CGGBP1: variants seen among roughly 807,000 people sequenced by gnomAD.
The protein encoded by CGGBP1 is CGG triplet repeat binding protein 1, also known as CGG triplet repeat-binding protein 1.
CGGBP1 carries 4 observed loss-of-function variants against 11.4 expected under a neutral mutation model. That is an observed-to-expected ratio of 0.35 (90% CI 0.17 to 0.80). The LOEUF (loss-of-function observed/expected upper bound fraction) is 0.80, where lower values mean the gene tolerates loss of function less well. Ranked by LOEUF, CGGBP1 falls within the 30% of genes least tolerant of loss-of-function variation. The probability of loss-of-function intolerance (pLI) is 0.52; values close to 1 mark genes in which losing one functional copy is unlikely to be tolerated. For synonymous variants in CGGBP1, 76 were observed against 74.1 expected, an observed-to-expected ratio of 1.03 and a Z score of -0.13; for missense variants, 135 against 202.1, an observed-to-expected ratio of 0.67 and a Z score of 2.01.
At chr3:88,138,593 A>G (rs992706133) in intron 2 of CGGBP1, 1 of 566,162 alleles carries the variant, frequency 1.8e-6, no homozygotes, top group African/African-American at 1.9e-5. Flanking sequence ...TGGACATTGG[A>G]ATACTATGTT....
rs1358400846 is a variant in CGGBP1, at chr3:88,054,608, C to G, written c.*865G>C. ...TGATCTGTCAGCCAAAAAAAAATTA[C>G]TAATTCTCTATAATAAAGAGAAAAC... On this transcript the variant is annotated 3_prime_UTR_variant, in exon 4 of 4. Transcript: ENST00000482016. 2 of 152,280 alleles carry G rather than the reference C, an allele frequency of 1.3e-5. No individual in the cohort carries two copies. Among genetic ancestry groups the G allele is most frequent in the Admixed American group, 6.6e-5 (1 of 15,256 alleles). The allele number at this position is 152,280 out of a possible 1,614,324, so 9.4% of individuals were successfully genotyped here.
intron 2 of CGGBP1, among the ~76,000 whole-genome samples, chr3:88,119,807 A>G (rs1046153095): frequency 1.3e-5 from 2 of 152,196 alleles, no homozygotes; most frequent in Non-Finnish European, 2.9e-5. Flanking sequence ...TACTTATTTT[A>G]AAATGCTAAT....
chr3:88,078,679 C>T (rs1232929330), intron 2 of CGGBP1, among the ~76,000 whole-genome samples: 1 of 151,958 alleles, frequency 6.6e-6, no homozygotes, highest in Non-Finnish European at 1.5e-5. Context: ...ATTTTTGTTT[C>T]TACTTTAAAA....
chr3:88,066,715 C>T (rs1044078284), intron 2 of CGGBP1, among the ~76,000 whole-genome samples: 1 of 152,080 alleles, frequency 6.6e-6, no homozygotes, highest in South Asian at 2.1e-4. Context: ...AGTAAGGCAC[C>T]ATTTGTACTG....
intron 2 of CGGBP1, among the ~76,000 whole-genome samples, chr3:88,068,195 G>A (rs1707311416): frequency 6.6e-6 from 1 of 151,978 alleles, no homozygotes; most frequent in African/African-American, 2.4e-5. Context: ...GTGACCATTA[G>A]TATGTACCTT....
upstream of CGGBP1, among the ~76,000 whole-genome samples, chr3:88,061,828 G>T (rs1390117753): frequency 1.3e-5 from 2 of 152,244 alleles, no homozygotes; most frequent in South Asian, 4.1e-4. Flanking sequence ...TGACTTAATC[G>T]TGAGTAATGC....
intron 2 of CGGBP1, chr3:88,139,782 GATGAAGAAGGTGATT>G: frequency 6.4e-7 from 1 of 1,554,566 alleles, no homozygotes; most frequent in Non-Finnish European, 8.7e-7. Context: ...GGAGGAAGAG[GATGAAGAAGGTGATT>G]ATGAAGAAGA....
intron 2 of CGGBP1, among the ~76,000 whole-genome samples, chr3:88,088,440 G>A (rs990257504): frequency 7.2e-5 from 11 of 151,986 alleles, no homozygotes; most frequent in African/African-American, 2.2e-4. Flanking sequence ...GAGAAGTTAC[G>A]TACAACATTA....
intron 2 of CGGBP1, among the ~76,000 whole-genome samples, chr3:88,126,939 A>G (rs1706141809): frequency 6.6e-6 from 1 of 152,166 alleles, no homozygotes; most frequent in African/African-American, 2.4e-5. Context: ...ATCTGATTTA[A>G]CAGCGGTCCT....
At chr3:88,146,825 T>G (rs1457334986) in intron 1 of CGGBP1, among the ~76,000 whole-genome samples, 1 of 152,188 alleles carries the variant, frequency 6.6e-6, no homozygotes, top group Non-Finnish European at 1.5e-5. Context: ...ATCTCTTGAT[T>G]ACTCCCCCAG....
At chr3:88,114,115 G>GA (rs755207687) in intron 2 of CGGBP1, among the ~76,000 whole-genome samples, 20 of 152,202 alleles carry the variant, frequency 1.3e-4, no homozygotes, top group African/African-American at 2.2e-4. Context: ...AAGCAAAACA[G>GA]AAAAAATCTT....
At chr3:88,085,525 A>AT (rs1708294776) in intron 2 of CGGBP1, among the ~76,000 whole-genome samples, 2 of 152,204 alleles carry the variant, frequency 1.3e-5, no homozygotes, top group Non-Finnish European at 2.9e-5. Context: ...GTAGTTTTAG[A>AT]TGATGGATTT....
intron 2 of CGGBP1, among the ~76,000 whole-genome samples, chr3:88,100,555 C>T (rs1704351115): frequency 6.6e-6 from 1 of 152,118 alleles, no homozygotes; most frequent in Admixed American, 6.5e-5. Flanking sequence ...GACTTTGAAC[C>T]AACTCAAATG....
At chr3:88,140,406 T>G in intron 2 of CGGBP1, 1 of 1,613,208 alleles carries the variant, frequency 6.2e-7, no homozygotes, top group Non-Finnish European at 8.5e-7. Flanking sequence ...TCTGCCAGTT[T>G]CTACTAGCAA....
intron 2 of CGGBP1, among the ~76,000 whole-genome samples, chr3:88,127,806 G>T (rs1438787602): frequency 6.6e-6 from 1 of 152,140 alleles, no homozygotes; most frequent in Non-Finnish European, 1.5e-5. Context: ...GGGAAAAGCT[G>T]CTCTAGAGCC....
At chr3:88,088,757 T>G (rs145124416) in intron 2 of CGGBP1, among the ~76,000 whole-genome samples, 7,412 of 94,168 alleles carry the variant, frequency 0.079, 215 homozygotes, top group African/African-American at 0.1. Context: ...TGTATGTATG[T>G]ATGTATGGAT....
chr3:88,102,536 A>T (rs1704486206), intron 2 of CGGBP1, among the ~76,000 whole-genome samples: 1 of 152,158 alleles, frequency 6.6e-6, no homozygotes. Flanking sequence ...TTCTTTACTT[A>T]ACATGGTTAA....
At chr3:88,062,810 A>T (rs1170443004), upstream of CGGBP1, among the ~76,000 whole-genome samples, 1 of 152,214 alleles carries the variant, frequency 6.6e-6, no homozygotes, top group Non-Finnish European at 1.5e-5. Flanking sequence ...AGAAGAATAT[A>T]ATGTACTTAG....
intron 2 of CGGBP1, among the ~76,000 whole-genome samples, chr3:88,117,955 A>C (rs973864330): frequency 2.0e-5 from 3 of 152,054 alleles, no homozygotes; most frequent in African/African-American, 4.8e-5. Context: ...TAAAAAAAAA[A>C]AACAACCAAG....
Sources: allele counts gnomAD v4.1 joint callset (sites outside exome capture counted in the v4.1 genomes callset), GRCh38; gene constraint gnomAD v4.1.1; transcripts MANE v1.5; gene names NCBI Gene and HGNC (gene_info 2026-07-23, HGNC 2026-07-21).